TNIP3: variants seen among roughly 807,000 people sequenced by gnomAD.
The protein encoded by TNIP3 is TNFAIP3-interacting protein 3.
A neutral mutation model predicts 54.1 loss-of-function variants in TNIP3; 34 were observed. The ratio of observed to expected loss-of-function variants is 0.63; its 90% CI spans 0.48 to 0.84. The LOEUF (loss-of-function observed/expected upper bound fraction) is 0.84. Ranked by LOEUF, TNIP3 falls within the 40% of genes least tolerant of loss-of-function variation. The probability of loss-of-function intolerance (pLI) is 0.00; values close to 1 mark genes in which losing one functional copy is unlikely to be tolerated. For synonymous variants in TNIP3, 134 were observed against 136.8 expected, an observed-to-expected ratio of 0.98 and a Z score of 0.14; for missense variants, 366 against 387.6, an observed-to-expected ratio of 0.94 and a Z score of 0.47.
chr4:121,178,886 T>C (rs1724518701), intron 3 of TNIP3, among the ~76,000 whole-genome samples: 1 of 152,144 alleles, frequency 6.6e-6, no homozygotes, highest in Non-Finnish European at 1.5e-5. Context: ...GAGTCTCTCA[T>C]AATCCATATG....
chr4:121,170,908 C>G (rs554489708), intron 3 of TNIP3, among the ~76,000 whole-genome samples: 1 of 152,044 alleles, frequency 6.6e-6, no homozygotes, highest in African/African-American at 2.4e-5. Flanking sequence ...CTCTGCCTCC[C>G]GGGTTCAAGA....
intron 10 of TNIP3, among the ~76,000 whole-genome samples, chr4:121,136,857 G>GAAAAA (rs11338982): frequency 5.1e-5 from 3 of 58,924 alleles, no homozygotes; most frequent in African/African-American, 1.3e-4. Flanking sequence ...GACTGTCTCC[G>GAAAAA]AAAAAAAAAA....
chr4:121,227,483 TAAGTGG>T (rs1727307736), upstream of TNIP3: 1 of 1,063,950 alleles, frequency 9.4e-7, no homozygotes, highest in East Asian at 2.6e-5. Context: ...AAACAGTAAC[TAAGTGG>T]TTTAAGTAGA....
chr4:121,148,515 G>C (rs1446254461), intron 6 of TNIP3, among the ~76,000 whole-genome samples: 1 of 152,178 alleles, frequency 6.6e-6, no homozygotes, highest in Admixed American at 6.5e-5. Flanking sequence ...CAGTGCTTTT[G>C]GTTTTTGAAG....
At chr4:121,226,925 A>T (rs981046603) in intron 1 of TNIP3, among the ~76,000 whole-genome samples, 7 of 116,784 alleles carry the variant, frequency 6.0e-5, no homozygotes, top group Non-Finnish European at 1.2e-4. Context: ...AACACACTAA[A>T]TGGATGCTGG....
In TNIP3 at chr4:121,177,228, T is replaced by C. The variant is rs553700415; in HGVS notation, c.189+5448A>G. ...GTACTTGGACTATAACTTGGTTATA[T>C]ATAACTTTCATTTAACATTCATTTT... On this transcript the variant is annotated intron_variant, in intron 3 of 12. Transcript: ENST00000507879. 3.3e-5 allele frequency among the ~76,000 whole-genome samples: 5 copies of C among 152,368 alleles called. No individual in the cohort carries two copies. In the East Asian group the frequency reaches 9.6e-4, roughly 29 times the overall value.
intron 3 of TNIP3, among the ~76,000 whole-genome samples, chr4:121,170,461 G>A (rs1050344355): frequency 2.0e-5 from 3 of 152,150 alleles, no homozygotes; most frequent in African/African-American, 7.2e-5. Flanking sequence ...GTGAACACAC[G>A]TTTAAAGAGC....
At position 121,185,271 on chromosome 4, in the gene TNIP3, C is replaced by T. The variant is rs1724951533; in HGVS notation, c.69-2475G>A. Among the ~76,000 whole-genome samples, 3 of 152,184 alleles carry T rather than the reference C, an allele frequency of 2.0e-5. No individual in the cohort carries two copies. In the South Asian group the frequency reaches 6.2e-4, roughly 31 times the overall value. ...TTTATGGAACATGCCAAGCAGTTCC[C>T]ACTCCAGGCCTTGGTGTTTGCTCTT... On this transcript the variant is annotated intron_variant, in intron 2 of 12. Coordinates refer to the TNIP3 transcript ENST00000507879.
intron 7 of TNIP3, 99 bp from the exon 8 acceptor site, chr4:121,142,875 T>A: frequency 1.1e-6 from 1 of 932,346 alleles, no homozygotes; most frequent in Admixed American, 2.5e-5. Flanking sequence ...TTGACAGCAG[T>A]AATACCAACA....
At chr4:121,170,097 G>A (rs1730985896) in intron 3 of TNIP3, among the ~76,000 whole-genome samples, 1 of 152,212 alleles carries the variant, frequency 6.6e-6, no homozygotes, top group African/African-American at 2.4e-5. Flanking sequence ...GTCTTCCAGA[G>A]TGGAGTTAGC....
rs1729983694 is a variant in TNIP3 at position 121,154,765 on chromosome 4, G to T, written c.364-86C>A. On this transcript the variant is annotated intron_variant, in intron 4 of 10. Transcript: ENST00000057513. ...TAGGAATTCTGATATATCAGCCATGGCAGGCAGATTGAGGGGTCACCCTTC... is the reference window on the plus strand; with the variant it reads ...TAGGAATTCTGATATATCAGCCATGTCAGGCAGATTGAGGGGTCACCCTTC... 3 of 1,316,766 alleles carry T rather than the reference G, an allele frequency of 2.3e-6. No individual in the cohort carries two copies. The East Asian group carries it at 7.5e-5, about 33-fold the overall frequency. The allele number at this position is 1,316,766 out of a possible 1,614,324, so 81.6% of individuals were successfully genotyped here. A position where few individuals can be genotyped will look rare whatever the true frequency, so the allele number is the denominator to read the frequency against.
chr4:121,139,190 T>C (rs565458194), intron 9 of TNIP3, among the ~76,000 whole-genome samples: 115 of 152,304 alleles, frequency 7.6e-4, no homozygotes, highest in African/African-American at 2.7e-3. Context: ...GGCAAATCTT[T>C]CCCTTTTTGC....
At chr4:121,220,371 G>C (rs12649636), upstream of TNIP3, among the ~76,000 whole-genome samples, 2 of 152,104 alleles carry the variant, frequency 1.3e-5, no homozygotes, top group Non-Finnish European at 2.9e-5. Context: ...GTGTCTTCTG[G>C]CCCACAATAA....
At chr4:121,143,773 T>C (rs1388728337) in intron 7 of TNIP3, among the ~76,000 whole-genome samples, 1 of 152,254 alleles carries the variant, frequency 6.6e-6, no homozygotes, top group Admixed American at 6.5e-5. Context: ...ATATGTATTG[T>C]TGATTAACTC....
chr4:121,144,780 C>T lies in TNIP3; in HGVS notation c.736-2004G>A, dbSNP rs572002615. 1.2e-4 allele frequency among the ~76,000 whole-genome samples: 18 copies of T among 152,222 alleles called. 1 individual carries two copies. The East Asian group carries it at 3.5e-3, about 29-fold the overall frequency. On this transcript the variant is annotated intron_variant, in intron 7 of 10. Coordinates refer to ENST00000057513, the MANE Select transcript of TNIP3 (RefSeq NM_024873.6). ...GGTTTCATTATCTATATTTTACAGG[C>T]AGGTATACTAAAAGAGGTTAAGGAA...
At chr4:121,174,266 A>T (rs2148823077) in intron 3 of TNIP3, among the ~76,000 whole-genome samples, 1 of 152,272 alleles carries the variant, frequency 6.6e-6, no homozygotes, top group Admixed American at 6.5e-5. Context: ...GAGACTAGGC[A>T]TGGTGGCTGA....
At chr4:121,151,460 T>C (rs1729752538) in intron 5 of TNIP3, among the ~76,000 whole-genome samples, 1 of 152,190 alleles carries the variant, frequency 6.6e-6, no homozygotes. Flanking sequence ...TCATTTTTTT[T>C]CAGGAAGTTG....
intron 1 of TNIP3, among the ~76,000 whole-genome samples, chr4:121,162,005 A>G (rs1236102283): frequency 6.6e-6 from 1 of 152,242 alleles, no homozygotes; most frequent in Non-Finnish European, 1.5e-5. Context: ...TCTCAGAGTC[A>G]TATAAGTAAT....
At chr4:121,195,437 A>G (rs535059088) in intron 2 of TNIP3, among the ~76,000 whole-genome samples, 2 of 152,344 alleles carry the variant, frequency 1.3e-5, no homozygotes, top group Non-Finnish European at 2.9e-5. Flanking sequence ...AAACCCAAGT[A>G]TTATGGACCT....
Sources: gnomAD v4.1 joint callset for allele counts (sites outside exome capture counted in the v4.1 genomes callset) on GRCh38, gnomAD v4.1.1 for gene constraint, MANE v1.5 for transcripts, NCBI Gene and HGNC (gene_info 2026-07-23, HGNC 2026-07-21) for gene names.